Variants in GRM2 observed in about 807,000 individuals in gnomAD.
The protein encoded by GRM2 is metabotropic glutamate receptor 2.
A neutral mutation model predicts 60.4 loss-of-function variants in GRM2; 35 were observed. The ratio of observed to expected loss-of-function variants is 0.58; its 90% CI spans 0.44 to 0.77. The LOEUF (loss-of-function observed/expected upper bound fraction) is 0.77. Among genes scored for constraint, GRM2 ranks in the 30% least tolerant of loss-of-function variants. The pLI, the probability that GRM2 is intolerant of heterozygous loss-of-function variation, is 0.00. For synonymous variants in GRM2, 437 were observed against 484.1 expected (o/e 0.90, Z 1.28); for missense variants, 925 against 1,199.5 (o/e 0.77, Z 3.38).
chr3:51,715,802 G>T lies in GRM2; in HGVS notation c.2029G>T (p.Ala677Ser). The part of the protein sequence containing the change: ...GAQRPRFISP[A>S]SQVAICLALI... Reference sequence around the variant, plus strand: ...CCAGCGGCCACGCTTCATCAGTCCTGCCTCACAGGTGGCCATCTGCCTGGC... The same window carrying T: ...CCAGCGGCCACGCTTCATCAGTCCTTCCTCACAGGTGGCCATCTGCCTGGC... The change falls in exon 4 of 6, where the codon GCC becomes TCC. Residue 677 changes from alanine to serine, a missense_variant. Physicochemically the swap from Ala to Ser is moderately conservative, Grantham distance 99. Coordinates refer to ENST00000395052, the MANE Select transcript of GRM2 (RefSeq NM_000839.5). The surrounding 1 kb of genome is among the most constrained non-coding windows in gnomAD (Gnocchi z 9.0). The T allele has an allele frequency of 1.2e-6, 2 of 1,613,632 alleles. No homozygotes were observed. Among genetic ancestry groups the T allele is most frequent in the South Asian group, 1.1e-5 (1 of 91,072 alleles).
rs1310440706 is a variant in GRM2, at chr3:51,715,999, C to T, written c.2226C>T (p.Cys742=). 6.2e-6 allele frequency: 10 copies of T among 1,614,122 alleles called. No individual in the cohort carries two copies. Among genetic ancestry groups the T allele is most frequent in the Non-Finnish European group, 7.6e-6 (9 of 1,180,052 alleles). ...LAYNVLLIAL[C]TLYAFKTRKC... is the part of the protein sequence containing the mutation. The stretch of plus-strand genomic sequence containing the variant: ...ACAATGTGCTCCTCATCGCGCTCTG[C>T]ACGCTTTATGCCTTCAAGACTCGCA... Residue 742 remains cysteine, a synonymous_variant, in exon 4 of 6, where the codon TGC becomes TGT. Transcript: ENST00000395052. This position sits in a 1 kb window ranked among gnomAD's most constrained non-coding sequence, Gnocchi z 9.0.
rs774088679 is a variant in GRM2 at position 51,714,875 on chromosome 3, CTT to C, written c.1289-185_1289-184del. The C allele has an allele frequency of 9.9e-4, 473 of 475,416 alleles. 2 individuals are homozygous for C. The highest frequency in any genetic ancestry group is 1.5e-3 in the Non-Finnish European group (394 of 268,708). The allele number at this position is 475,416 out of a possible 1,614,324, so 29.4% of individuals were successfully genotyped here. ...TTGATGTTGGAGTTTAGGAGTAAGA[CTT>C]TGTTGTCATCTCTCATTTAGAAAAA... On this transcript the variant is annotated intron_variant, in intron 3 of 5. Transcript: ENST00000395052.
chr3:51,711,031 C>T (rs1262196236), intron 2 of GRM2, among the ~76,000 whole-genome samples: 1 of 152,256 alleles, frequency 6.6e-6, no homozygotes, highest in Non-Finnish European at 1.5e-5. Flanking sequence ...TGTCCTAGAA[C>T]AGTTGTTCAG....
In GRM2 at chr3:51,712,551, C is replaced by T. The variant is rs777212616; in HGVS notation, c.529C>T (p.Arg177Cys). 5.0e-6 allele frequency: 8 copies of T among 1,614,150 alleles called. No homozygotes were observed. Among genetic ancestry groups the T allele is most frequent in the Middle Eastern group, 1.6e-4 (1 of 6,062 alleles). The stretch of plus-strand genomic sequence containing the variant: ...CAGTGCCAAGCTGAGTGACAAGTCC[C>T]GCTATGACTACTTTGCCCGCACAGT... ...STSAKLSDKSRYDYFARTVPP... is the reference protein window; with the variant it reads ...STSAKLSDKSCYDYFARTVPP... The change falls in exon 3 of 6, where the codon CGC becomes TGC. Residue 177 changes from arginine (R) to cysteine (C), a missense_variant. Transcript: ENST00000395052. The surrounding 1 kb of genome is among the most constrained non-coding windows in gnomAD (Gnocchi z 5.3).
intron 2 of GRM2, among the ~76,000 whole-genome samples, chr3:51,710,055 T>G (rs1346524704): frequency 6.6e-6 from 1 of 151,634 alleles, no homozygotes; most frequent in African/African-American, 2.4e-5. Flanking sequence ...AGTGGTGAGA[T>G]CTCAGCCCAC....
rs767918821 is a variant in GRM2 at position 51,715,717 on chromosome 3, A to G, written c.1944A>G (p.Ser648=). ...GCACTGCCTTCTCTGTCTGCTACTC[A>G]GCCCTGCTCACCAAGACCAACCGCA... is the stretch of plus-strand genomic sequence containing the variant. ...GLGTAFSVCY[S]ALLTKTNRIA... Residue 648 remains serine (S), a synonymous_variant, in exon 4 of 6, where the codon TCA becomes TCG. Transcript: ENST00000395052. This position sits in a 1 kb window ranked among gnomAD's most constrained non-coding sequence, Gnocchi z 9.0. 1.2e-6 allele frequency: 2 copies of G among 1,614,134 alleles called. No homozygotes were observed.
Position 51,715,290 on chromosome 3 carries a change from A to G in GRM2, c.1517A>G (p.Gln506Arg), listed in dbSNP as rs1239395806. The G allele has an allele frequency of 1.2e-6, 2 of 1,611,748 alleles. No homozygotes were observed. The highest frequency in any genetic ancestry group is 2.2e-5 in the South Asian group (2 of 90,654). ...TCTCGCTGCAGTGAGCCCTGCCTCC[A>G]GAATGAGGTGAAGAGTGTGCAGCCG... is the stretch of plus-strand genomic sequence containing the variant. ...PASRCSEPCL[Q>R]NEVKSVQPGE... Residue 506 changes from glutamine (Q) to arginine (R), a missense_variant, in exon 4 of 6, where the codon CAG (glutamine) becomes CGG (arginine). Gln to Arg is a conservative substitution (Grantham distance 43). Transcript: ENST00000395052. The surrounding 1 kb of genome is among the most constrained non-coding windows in gnomAD (Gnocchi z 9.0).
intron 1 of GRM2, chr3:51,708,256 A>G (rs2107082244): frequency 6.6e-6 from 1 of 152,216 alleles, no homozygotes; most frequent in African/African-American, 2.4e-5. Flanking sequence ...TAGTGTCTCT[A>G]TTCCTTCCTC....
intron 2 of GRM2, among the ~76,000 whole-genome samples, chr3:51,709,843 TCA>T (rs1254062964): frequency 3.1e-4 from 8 of 25,528 alleles, no homozygotes; most frequent in Admixed American, 5.0e-4. Context: ...ACACACACCC[TCA>T]CACACACACA....
chr3:51,715,207 G>C lies in GRM2; in HGVS notation c.1434G>C (p.Leu478Phe). Residue 478 changes from leucine (L) to phenylalanine (F), a missense_variant, in exon 4 of 6, where the codon TTG becomes TTC. Transcript: ENST00000395052. This position sits in a 1 kb window ranked among gnomAD's most constrained non-coding sequence, Gnocchi z 9.0. ...YQKVGYWAEG[L>F]TLDTSLIPWA... ...AGGTGGGCTACTGGGCAGAAGGCTTGACTCTGGACACCAGCCTCATCCCAT... is the reference window on the plus strand; with the variant it reads ...AGGTGGGCTACTGGGCAGAAGGCTTCACTCTGGACACCAGCCTCATCCCAT... 2.5e-6 allele frequency: 4 copies of C among 1,613,924 alleles called. No homozygotes were observed. Among genetic ancestry groups the C allele is most frequent in the Non-Finnish European group, 3.4e-6 (4 of 1,179,856 alleles).
In GRM2 at chr3:51,713,768, CTTTT is replaced by C. The variant is rs1703808928; in HGVS notation, c.1288+459_1288+462del. 5.3e-6 allele frequency: 1 copy of C among 189,742 alleles called. No homozygotes were observed. Among genetic ancestry groups the C allele is most frequent in the Non-Finnish European group, 1.1e-5 (1 of 91,176 alleles). 11.8% of individuals were successfully genotyped at this position (189,742 alleles called of 1,614,324 possible). On this transcript the variant is annotated intron_variant, in intron 3 of 5. Transcript: ENST00000395052. This position sits in a 1 kb window ranked among gnomAD's most constrained non-coding sequence, Gnocchi z 4.8. ...TTTTTCTTTCTTTCTTTCTTTCTTT[CTTTT>C]CTTAGATGGGGTCTCACTATATTTT...
chr3:51,716,865 A>T lies in GRM2; in HGVS notation c.2364+728A>T. 6.6e-6 allele frequency among the ~76,000 whole-genome samples: 1 copy of T among 152,214 alleles called. No homozygotes were observed. Among genetic ancestry groups the T allele is most frequent in the East Asian group, 1.9e-4 (1 of 5,194 alleles). ...TGCAGAGCAGGGTCTGAACTGCAGA[A>T]AAATTGAGGCGAAAGCCCCGGCAAA... On this transcript the variant is annotated intron_variant, in intron 4 of 5. Transcript: ENST00000395052. This position sits in a 1 kb window ranked among gnomAD's most constrained non-coding sequence, Gnocchi z 4.0.
Position 51,712,823 on chromosome 3 carries a change from C to T in GRM2, c.801C>T (p.Val267=), listed in dbSNP as rs750804343. Residue 267 remains valine, a synonymous_variant, in exon 3 of 6, where the codon GTC becomes GTT. Transcript: ENST00000395052. This position sits in a 1 kb window ranked among gnomAD's most constrained non-coding sequence, Gnocchi z 5.3. ...AGAAGCCCAGTGCCCGCGTGGCTGT[C>T]CTGTTCACCCGTTCTGAGGATGCCC... The part of the protein sequence containing the change: ...LLQKPSARVA[V]LFTRSEDARE... The T allele has an allele frequency of 1.9e-6, 3 of 1,612,936 alleles. No individual in the cohort carries two copies. Among genetic ancestry groups the T allele is most frequent in the Admixed American group, 1.7e-5 (1 of 60,030 alleles).
In GRM2 at chr3:51,717,438, C is replaced by G. The variant is rs1703942753; in HGVS notation, c.2365-199C>G. On this transcript the variant is annotated intron_variant, in intron 4 of 5. Coordinates refer to ENST00000395052, the MANE Select transcript of GRM2 (RefSeq NM_000839.5). This position sits in a 1 kb window ranked among gnomAD's most constrained non-coding sequence, Gnocchi z 6.0. ...TCTCCCCTTCAGCTGGAACTCTTGT[C>G]ACCCTGGGAAAATGGTCTGGGTCTG... Among the ~76,000 whole-genome samples, 1 of 152,176 alleles carries G rather than the reference C, an allele frequency of 6.6e-6. No individual in the cohort carries two copies. Among genetic ancestry groups the G allele is most frequent in the South Asian group, 2.1e-4 (1 of 4,824 alleles).
Position 51,718,327 on chromosome 3 carries a change from T to C in GRM2, c.*215T>C, listed in dbSNP as rs1165078760. On this transcript the variant is annotated 3_prime_UTR_variant, in exon 6 of 6. Transcript: ENST00000395052. The surrounding 1 kb of genome is among the most constrained non-coding windows in gnomAD (Gnocchi z 4.2). ...CCTCTGCAGTGGCCACTAACTGCCC[T>C]TGTAGCTGTGTTTCCTCCTGGCCAG... 5 of 579,102 alleles carry C rather than the reference T, an allele frequency of 8.6e-6. No homozygotes were observed. Among genetic ancestry groups the C allele is most frequent in the Non-Finnish European group, 1.6e-5 (5 of 322,154 alleles). The allele number at this position is 579,102 out of a possible 1,614,324, so 35.9% of individuals were successfully genotyped here. A position where few individuals can be genotyped will look rare whatever the true frequency, so the allele number is the denominator to read the frequency against.
Position 51,717,962 on chromosome 3 carries a change from A to C in GRM2, c.2546-77A>C. 1.4e-6 allele frequency: 2 copies of C among 1,465,726 alleles called. No homozygotes were observed. The highest frequency in any genetic ancestry group is 2.3e-5 in the East Asian group (1 of 44,164). The allele number at this position is 1,465,726 out of a possible 1,614,324, so 90.8% of individuals were successfully genotyped here. The stretch of plus-strand genomic sequence containing the variant: ...GGAGAGGGGAGGGGAGGCTTCCCTC[A>C]CAGCCCTGCTTCCCCACTGCCTGCC... On this transcript the variant is annotated intron_variant, in intron 5 of 5. Coordinates refer to ENST00000395052, the MANE Select transcript of GRM2 (RefSeq NM_000839.5). The surrounding 1 kb of genome is among the most constrained non-coding windows in gnomAD (Gnocchi z 6.0).
Position 51,715,042 on chromosome 3 carries a change from C to T in GRM2, c.1289-20C>T. 6.8e-7 allele frequency: 1 copy of T among 1,471,520 alleles called. No homozygotes were observed. Among genetic ancestry groups the T allele is most frequent in the Non-Finnish European group, 9.2e-7 (1 of 1,082,558 alleles). 91.2% of individuals were successfully genotyped at this position (1,471,520 alleles called of 1,614,324 possible). A position where few individuals can be genotyped will look rare whatever the true frequency, so the allele number is the denominator to read the frequency against. On this transcript the variant is annotated intron_variant, in intron 3 of 5. Coordinates refer to ENST00000395052, the MANE Select transcript of GRM2 (RefSeq NM_000839.5). The surrounding 1 kb of genome is among the most constrained non-coding windows in gnomAD (Gnocchi z 9.0). The stretch of plus-strand genomic sequence containing the variant: ...TAACACACTAGTCCAACCTTCTCTT[C>T]CTTCCCTCCCCCATCCTAGCCCCCT...
At chr3:51,708,481 C>T (rs1703580882) in intron 1 of GRM2, 1 of 153,816 alleles carries the variant, frequency 6.5e-6, no homozygotes, top group South Asian at 2.0e-4. Flanking sequence ...ATAGTCTGTT[C>T]CAAAGGTATT....
Position 51,715,759 on chromosome 3 carries a change from T to C in GRM2, c.1986T>C (p.Gly662=), listed in dbSNP as rs780877654. 1 of 1,613,818 alleles carries C rather than the reference T, an allele frequency of 6.2e-7. No homozygotes were observed. The highest frequency in any genetic ancestry group is 8.5e-7 in the Non-Finnish European group (1 of 1,179,782). Residue 662 remains glycine (G), a synonymous_variant, in exon 4 of 6, where the codon GGT becomes GGC. Coordinates refer to ENST00000395052, the MANE Select transcript of GRM2 (RefSeq NM_000839.5). The surrounding 1 kb of genome is among the most constrained non-coding windows in gnomAD (Gnocchi z 9.0). The part of the protein sequence containing the change: ...TKTNRIARIF[G]GAREGAQRPR... ...CCAACCGCATTGCACGCATCTTCGGTGGGGCCCGGGAGGGTGCCCAGCGGC... is the reference window on the plus strand; with the variant it reads ...CCAACCGCATTGCACGCATCTTCGGCGGGGCCCGGGAGGGTGCCCAGCGGC...
Sources: allele counts gnomAD v4.1 joint callset (sites outside exome capture counted in the v4.1 genomes callset), GRCh38; gene constraint gnomAD v4.1.1; non-coding constraint Gnocchi (gnomAD v3.1); transcripts MANE v1.5; gene names NCBI Gene and HGNC (gene_info 2026-07-23, HGNC 2026-07-21).